Variants in CERK observed in about 807,000 individuals in gnomAD.
The protein encoded by CERK is acylsphingosine kinase.
In CERK, 39 loss-of-function variants were observed where a neutral mutation model predicts 63.4. The observed-to-expected ratio is 0.61, with a 90% CI of 0.48 to 0.80. The LOEUF (loss-of-function observed/expected upper bound fraction) is 0.80, where lower values mean the gene tolerates loss of function less well. Among genes scored for constraint, CERK ranks in the 30% least tolerant of loss-of-function variants. CERK has a pLI of 0.00. For missense variants in CERK, 670 were observed against 714.1 expected, an observed-to-expected ratio of 0.94 and a Z score of 0.70; for synonymous variants, 302 against 280.0, an observed-to-expected ratio of 1.08 and a Z score of -0.78.
At chr22:46,715,992 C>A (rs74947799) in intron 3 of CERK, among the ~76,000 whole-genome samples, 1 of 152,036 alleles carries the variant, frequency 6.6e-6, no homozygotes, top group African/African-American at 2.4e-5. Context: ...TTGAGACCAG[C>A]CTGGGCAACA....
chr22:46,689,077 G>A (rs1465554930), intron 12 of CERK, among the ~76,000 whole-genome samples: 1 of 152,194 alleles, frequency 6.6e-6, no homozygotes, highest in Non-Finnish European at 1.5e-5. Context: ...CCCACCCTCC[G>A]CCCAGCCAGC....
chr22:46,706,953 G>C (rs1303048691), intron 6 of CERK, among the ~76,000 whole-genome samples: 1 of 152,152 alleles, frequency 6.6e-6, no homozygotes, highest in East Asian at 1.9e-4. Context: ...AGGCAGGTTA[G>C]AGTTGAGAGC....
chr22:46,707,750 T>C (rs975262790), intron 6 of CERK, 93 bp downstream of exon 6: 2 of 1,382,430 alleles, frequency 1.4e-6, no homozygotes, highest in African/African-American at 2.9e-5. Context: ...CTGAGTATAA[T>C]TGGGTTATTA....
At chr22:46,699,971 C>A (rs1439833171) in intron 7 of CERK, among the ~76,000 whole-genome samples, 1 of 152,200 alleles carries the variant, frequency 6.6e-6, no homozygotes, top group Non-Finnish European at 1.5e-5. Flanking sequence ...TGCCTGAAAT[C>A]CCAGCTAGTG....
chr22:46,700,341 C>T (rs369806800), intron 7 of CERK, among the ~76,000 whole-genome samples: 1 of 152,286 alleles, frequency 6.6e-6, no homozygotes, highest in South Asian at 2.1e-4. Context: ...TGCAGTGAGC[C>T]AAGATCGCGC....
chr22:46,691,336 G>A (rs965312858), intron 11 of CERK, among the ~76,000 whole-genome samples: 8 of 152,056 alleles, frequency 5.3e-5, no homozygotes, highest in African/African-American at 1.9e-4. Flanking sequence ...GCCTCCCAAA[G>A]TGCTGGGATT....
chr22:46,711,350 C>T (rs1463246944), intron 4 of CERK, among the ~76,000 whole-genome samples: 3 of 152,172 alleles, frequency 2.0e-5, no homozygotes, highest in South Asian at 2.1e-4. Context: ...GAACCTCTCT[C>T]GGGCCACAGT....
intron 8 of CERK, among the ~76,000 whole-genome samples, chr22:46,699,099 T>C (rs1041149154): frequency 6.6e-6 from 1 of 151,790 alleles, no homozygotes; most frequent in African/African-American, 2.4e-5. Flanking sequence ...TATGCTTGGG[T>C]CCAGGGGGCA....
At chr22:46,690,279 A>T in intron 11 of CERK, 79 bp from the exon 12 acceptor site, 1 of 1,160,384 alleles carries the variant, frequency 8.6e-7, no homozygotes, top group Non-Finnish European at 1.2e-6. Flanking sequence ...CCCAGGCCTG[A>T]CAGCGAGCGC....
chr22:46,722,407 AG>A (rs2082896864), intron 1 of CERK, among the ~76,000 whole-genome samples: 1 of 151,884 alleles, frequency 6.6e-6, no homozygotes, highest in African/African-American at 2.4e-5. Context: ...CTTGATGGGG[AG>A]GGGGTGGGTT....
At chr22:46,693,358 T>C in intron 10 of CERK, 69 bp downstream of exon 10, 1 of 1,307,772 alleles carries the variant, frequency 7.6e-7, no homozygotes, top group Non-Finnish European at 1.1e-6. Flanking sequence ...GGCAGTGCCC[T>C]GAGAGAGGAC....
chr22:46,687,654 T>TTACACG (rs2082709875), intron 12 of CERK, among the ~76,000 whole-genome samples: 1 of 147,790 alleles, frequency 6.8e-6, no homozygotes, highest in Non-Finnish European at 1.5e-5. Flanking sequence ...GCGGGGCGAC[T>TTACACG]CAATGCGTGT....
At position 46,723,949 on chromosome 22, in the gene CERK, C is replaced by T. The variant is rs537816044; in HGVS notation, c.143-2934G>A. Among the ~76,000 whole-genome samples the T allele has an allele frequency of 1.5e-4, 23 of 152,242 alleles. No homozygotes were observed. The South Asian group carries it at 2.7e-3, about 18-fold the overall frequency. ...CTGACCTCAGGTGATCTGCCCGCCT[C>T]GGCCTCCCACAGTACTGGGATTACA... On this transcript the variant is annotated intron_variant, in intron 1 of 12. Coordinates refer to ENST00000216264, the MANE Select transcript of CERK (RefSeq NM_022766.6).
At chr22:46,707,769 AG>A in intron 6 of CERK, 73 bp downstream of exon 6, 1 of 1,502,474 alleles carries the variant, frequency 6.7e-7, no homozygotes, top group Non-Finnish European at 9.0e-7. Context: ...TAAGTGTCCG[AG>A]GTGGCTACTT....
intron 2 of CERK, 142 bp downstream of exon 2, chr22:46,720,760 G>A: frequency 3.6e-6 from 2 of 559,882 alleles, no homozygotes; most frequent in Non-Finnish European, 6.5e-6. Context: ...ACTAAAGGTA[G>A]CATTTGGGGA....
intron 1 of CERK, 78 bp downstream of exon 1, chr22:46,737,929 G>GTC (rs2082983540): frequency 2.0e-6 from 2 of 1,019,890 alleles, no homozygotes; most frequent in East Asian, 4.7e-5. Flanking sequence ...CCTGCACCCG[G>GTC]TCCCCCCAGC....
chr22:46,696,535 G>A (rs1042804357), intron 8 of CERK, among the ~76,000 whole-genome samples: 2 of 152,188 alleles, frequency 1.3e-5, no homozygotes, highest in East Asian at 1.9e-4. Flanking sequence ...CTGATGTCCC[G>A]GTTTCTGTCT....
At position 46,711,169 on chromosome 22, in the gene CERK, C is replaced by G; in HGVS notation, c.506-20G>C. On this transcript the variant is annotated intron_variant, in intron 4 of 12. Coordinates refer to ENST00000216264, the MANE Select transcript of CERK (RefSeq NM_022766.6). ...CAGTAACTGTGGGGAAAAATTACAT[C>G]ACACAGTTTATATTCACATCTGTGA... The G allele has an allele frequency of 6.3e-7, 1 of 1,592,490 alleles. No homozygotes were observed. Among genetic ancestry groups the G allele is most frequent in the Non-Finnish European group, 8.6e-7 (1 of 1,160,328 alleles).
intron 6 of CERK, among the ~76,000 whole-genome samples, chr22:46,703,764 C>G: frequency 6.6e-6 from 1 of 152,214 alleles, no homozygotes; most frequent in East Asian, 1.9e-4. Flanking sequence ...GGAGCAGAGT[C>G]AGACGTCACC....
Sources: allele counts gnomAD v4.1 joint callset (sites outside exome capture counted in the v4.1 genomes callset), GRCh38; gene constraint gnomAD v4.1.1; transcripts MANE v1.5; gene names NCBI Gene and HGNC (gene_info 2026-07-23, HGNC 2026-07-21).